The following HAP1 variants were observed in gnomAD, a reference collection of about 807,000 sequenced individuals.
HAP1 encodes the protein huntingtin associated protein 1.
A neutral mutation model predicts 60.3 loss-of-function variants in HAP1; 59 were observed. That is an observed-to-expected ratio of 0.98 (90% confidence interval 0.79 to 1.22). The LOEUF (loss-of-function observed/expected upper bound fraction) is 1.22. HAP1 is among the 50% of genes most tolerant of loss of function. The probability of loss-of-function intolerance (pLI) is 0.00; values close to 1 mark genes in which losing one functional copy is unlikely to be tolerated. For missense variants in HAP1, 825 were observed against 785.3 expected (o/e 1.05, Z -0.60); for synonymous variants, 346 against 330.6 (o/e 1.05, Z -0.50).
chr17:41,725,368 ATCT>A (rs1333902683), intron 10 of HAP1, among the ~76,000 whole-genome samples: 1 of 152,076 alleles, frequency 6.6e-6, no homozygotes, highest in Non-Finnish European at 1.5e-5. Flanking sequence ...CATAGGCCCC[ATCT>A]TCTTTTATGT....
At chr17:41,731,043 TG>T (rs1912154640) in intron 6 of HAP1, among the ~76,000 whole-genome samples, 1 of 152,134 alleles carries the variant, frequency 6.6e-6, no homozygotes, top group Non-Finnish European at 1.5e-5. Flanking sequence ...CCCAAGGAGC[TG>T]GGACTACAGG....
chr17:41,731,424 C>A (rs1912178024), intron 6 of HAP1, 69 bp downstream of exon 6: 2 of 1,065,200 alleles, frequency 1.9e-6, no homozygotes, highest in East Asian at 4.7e-5. Context: ...GATCTCCATA[C>A]TCCACATCTT....
Position 41,723,127 on chromosome 17 carries a change from G to A in HAP1, c.*1574C>T, listed in dbSNP as rs1427580002. 1.3e-5 allele frequency: 2 copies of A among 152,490 alleles called. No homozygotes were observed. Among genetic ancestry groups the A allele is most frequent in the East Asian group, 3.9e-4 (2 of 5,184 alleles). 9.4% of individuals were successfully genotyped at this position (152,490 alleles called of 1,614,324 possible). On this transcript the variant is annotated 3_prime_UTR_variant, in exon 11 of 11. Coordinates refer to ENST00000347901, the MANE Select transcript of HAP1 (RefSeq NM_177977.3). ...GGGAAGGCGCTCACAACTCCCTGCCGGTGGAAGCTGGGCCCTGTTCCCTGC... is the reference window on the plus strand; with the variant it reads ...GGGAAGGCGCTCACAACTCCCTGCCAGTGGAAGCTGGGCCCTGTTCCCTGC...
Position 41,731,936 on chromosome 17 carries a change from C to G in HAP1, c.896+1G>C. On this transcript the variant is annotated splice_donor_variant, in intron 4 of 10. Coordinates refer to ENST00000347901, the MANE Select transcript of HAP1 (RefSeq NM_177977.3). LOFTEE classifies it high-confidence loss of function. The stretch of plus-strand genomic sequence containing the variant: ...TTGCAGGTGCAAAGGCAGGAACTCA[C>G]AGCTTAGGGGCATCACAGGGATGAG... 1.1e-6 allele frequency: 1 copy of G among 886,564 alleles called. No individual in the cohort carries two copies. 54.9% of individuals were successfully genotyped at this position (886,564 alleles called of 1,614,324 possible).
At chr17:41,727,005 C>G in intron 9 of HAP1, 48 bp downstream of exon 9, 3 of 964,252 alleles carry the variant, frequency 3.1e-6, no homozygotes, top group Non-Finnish European at 4.9e-6. Flanking sequence ...CTCCCCACTA[C>G]AGGAAAGGCC....
rs202050338 is a variant in HAP1, at chr17:41,728,233, G to C, written c.1168C>G (p.Gln390Glu). ...CAGCGCTGCTGCAGCTTCAGCACCT[G>C]GGCCTGCAGCCGAGCGACCTCCTGC... The part of the protein sequence containing the change: ...QQQEVARLQA[Q>E]VLKLQQRCRM... Residue 390 changes from glutamine to glutamate, a missense_variant, in exon 7 of 11, where the codon CAG (glutamine) becomes GAG (glutamate). Transcript: ENST00000347901. 53 of 1,612,952 alleles carry C rather than the reference G, an allele frequency of 3.3e-5. No individual in the cohort carries two copies. In the Middle Eastern group the frequency reaches 8.2e-4, roughly 25 times the overall value.
intron 9 of HAP1, among the ~76,000 whole-genome samples, chr17:41,726,356 G>C (rs1171193726): frequency 6.7e-6 from 1 of 149,580 alleles, no homozygotes; most frequent in African/African-American, 2.5e-5. Flanking sequence ...GGAGGTTGCA[G>C]TAAGCCGAGA....
chr17:41,733,038 G>GTTTTTTTTTTTTTTTTTTTGTTT (rs10679002), intron 1 of HAP1, among the ~76,000 whole-genome samples: 1 of 107,216 alleles, frequency 9.3e-6, no homozygotes, highest in Non-Finnish European at 1.8e-5. Flanking sequence ...GTTTTTTTTG[G>GTTTTTTTTTTTTTTTTTTTGTTT]TTTTTTTTTT....
At chr17:41,731,256 A>G (rs1555590780) in intron 6 of HAP1, among the ~76,000 whole-genome samples, 1 of 152,170 alleles carries the variant, frequency 6.6e-6, no homozygotes, top group African/African-American at 2.4e-5. Context: ...TGCACAAAGT[A>G]CTTCCTCAGC....
chr17:41,733,037 G>GTTT lies in HAP1; in HGVS notation c.470-240_470-239insAAA, dbSNP rs1567786140. Among the ~76,000 whole-genome samples, 7 of 33,264 alleles carry GTTT rather than the reference G, an allele frequency of 2.1e-4. No homozygotes were observed. In the East Asian group the frequency reaches 4.3e-3, roughly 20 times the overall value. 21.8% of individuals were successfully genotyped at this position (33,264 alleles called of 152,430 possible). ...GTTTTTAGGTTTTTGGGTTTTTTTTGGTTTTTTTTTTTTTTGGTTTTTTTT... is the reference window on the plus strand; with the variant it reads ...GTTTTTAGGTTTTTGGGTTTTTTTTGTTTGTTTTTTTTTTTTTTGGTTTTTTTT... On this transcript the variant is annotated intron_variant, in intron 1 of 10. Transcript: ENST00000347901.
chr17:41,718,161 G>C, downstream of HAP1: 1 of 355,130 alleles, frequency 2.8e-6, no homozygotes, highest in South Asian at 2.1e-5. Context: ...ACTGTCTACG[G>C]CCATACCACC....
rs200864908 is a variant in HAP1, at chr17:41,727,174, G to A, written c.1276-30C>T. On this transcript the variant is annotated intron_variant, in intron 8 of 10. Coordinates refer to ENST00000347901, the MANE Select transcript of HAP1 (RefSeq NM_177977.3). ...GGTGGAGAGAACAGACGTTACCAGA[G>A]GACCCCCACAGAACCCCCACCCATA... 3.5e-5 allele frequency: 43 copies of A among 1,232,996 alleles called. No homozygotes were observed. In the African/African-American group the frequency reaches 5.9e-4, roughly 17 times the overall value. The allele number at this position is 1,232,996 out of a possible 1,614,324, so 76.4% of individuals were successfully genotyped here.
At chr17:41,733,054 G>GTTTTTTTTTTTTTTTTTTTT (rs71155166) in intron 1 of HAP1, among the ~76,000 whole-genome samples, 3 of 99,076 alleles carry the variant, frequency 3.0e-5, no homozygotes, top group South Asian at 3.6e-4. Context: ...TTTTTTTTTG[G>GTTTTTTTTTTTTTTTTTTTT]TTTTTTTTTT....
At position 41,724,831 on chromosome 17, in the gene HAP1, T is replaced by C. The variant is rs1555588265; in HGVS notation, c.1730A>G (p.Gln577Arg). The C allele has an allele frequency of 1.2e-6, 2 of 1,613,462 alleles. No individual in the cohort carries two copies. Among genetic ancestry groups the C allele is most frequent in the Non-Finnish European group, 1.7e-6 (2 of 1,179,940 alleles). The change falls in exon 11 of 11, where the codon CAG becomes CGG. Residue 577 changes from glutamine (Q) to arginine (R), a missense_variant. Physicochemically the swap from Gln to Arg is conservative, Grantham distance 43. Transcript: ENST00000347901. ...GGCATCTTGCCAGTTGGCCAGCTGC[T>C]GGAGGACATAATTCATGTCCAGGTG... is the stretch of plus-strand genomic sequence containing the variant. ...PSHLDMNYVL[Q>R]QLANWQDAHY...
At chr17:41,719,760 C>A (rs1041231875), downstream of HAP1, among the ~76,000 whole-genome samples, 3 of 151,796 alleles carry the variant, frequency 2.0e-5, no homozygotes, top group Non-Finnish European at 2.9e-5. Flanking sequence ...CATTGTGCAA[C>A]CACTACCAAA....
chr17:41,719,132 C>A (rs1911096638), downstream of HAP1, among the ~76,000 whole-genome samples: 1 of 152,006 alleles, frequency 6.6e-6, no homozygotes, highest in Non-Finnish European at 1.5e-5. Context: ...GCAGGCACCA[C>A]CATGCCAGGC....
Position 41,727,162 on chromosome 17 carries a change from G to A in HAP1, c.1276-18C>T, listed in dbSNP as rs782697385. The stretch of plus-strand genomic sequence containing the variant: ...AGAGTCTCCTATGGTGGAGAGAACA[G>A]ACGTTACCAGAGGACCCCCACAGAA... On this transcript the variant is annotated intron_variant, in intron 8 of 10. Coordinates refer to ENST00000347901, the MANE Select transcript of HAP1 (RefSeq NM_177977.3). The A allele has an allele frequency of 5.1e-6, 7 of 1,373,570 alleles. No individual in the cohort carries two copies. Among genetic ancestry groups the A allele is most frequent in the Admixed American group, 1.7e-5 (1 of 59,444 alleles). The allele number at this position is 1,373,570 out of a possible 1,614,324, so 85.1% of individuals were successfully genotyped here.
At chr17:41,726,036 G>A (rs998636739) in intron 9 of HAP1, 139 bp from the exon 10 acceptor site, 45 of 675,024 alleles carry the variant, frequency 6.7e-5, no homozygotes, top group East Asian at 1.4e-4. Context: ...TTGGGAGGCC[G>A]AGGTGGGCAG....
At chr17:41,725,994 G>A in intron 9 of HAP1, 97 bp from the exon 10 acceptor site, 3 of 902,616 alleles carry the variant, frequency 3.3e-6, no homozygotes, top group Non-Finnish European at 5.6e-6. Flanking sequence ...TAGTGGCCAT[G>A]AGCAGTGGCT....
Sources: allele counts gnomAD v4.1 joint callset (sites outside exome capture counted in the v4.1 genomes callset), GRCh38; gene constraint gnomAD v4.1.1; transcripts MANE v1.5; gene names NCBI Gene and HGNC (gene_info 2026-07-23, HGNC 2026-07-21).